Variants in TEAD1 observed in about 807,000 individuals in gnomAD.
TEAD1 encodes the protein TEA domain transcription factor 1, also known as transcriptional enhancer factor TEF-1.
Under a neutral mutation model 54.9 loss-of-function variants are expected in TEAD1, and 9 were observed. The observed-to-expected ratio is 0.16, with a 90% CI of 0.10 to 0.29. The LOEUF (loss-of-function observed/expected upper bound fraction) is 0.29. Among genes scored for constraint, TEAD1 ranks in the 10% least tolerant of loss-of-function variants. TEAD1 has a pLI of 1.00. For missense variants in TEAD1, 387 were observed against 535.9 expected, an observed-to-expected ratio of 0.72 and a Z score of 2.74; for synonymous variants, 200 against 187.8, an observed-to-expected ratio of 1.07 and a Z score of -0.53.
intron 2 of TEAD1, among the ~76,000 whole-genome samples, chr11:12,679,396 T>G (rs1590044677): frequency 6.6e-6 from 1 of 152,230 alleles, no homozygotes; most frequent in African/African-American, 2.4e-5. Flanking sequence ...AAAAGCTGGC[T>G]TATTGATGAA....
intron 10 of TEAD1, among the ~76,000 whole-genome samples, chr11:12,918,298 C>T (rs1301462510): frequency 6.6e-6 from 1 of 150,468 alleles, no homozygotes. Flanking sequence ...ACACTATCAG[C>T]TGACAGATAA....
At chr11:12,836,293 G>T (rs942986426) in intron 3 of TEAD1, among the ~76,000 whole-genome samples, 2 of 151,968 alleles carry the variant, frequency 1.3e-5, no homozygotes, top group Admixed American at 6.6e-5. Context: ...GGTGGCGGGC[G>T]CCTGTAGTCC....
At chr11:12,830,251 T>C (rs1344534962) in intron 3 of TEAD1, among the ~76,000 whole-genome samples, 1 of 151,706 alleles carries the variant, frequency 6.6e-6, no homozygotes, top group Non-Finnish European at 1.5e-5. Flanking sequence ...GCAGGTGAGG[T>C]CAGAGGATAC....
chr11:12,677,224 T>G (rs1351136880), intron 2 of TEAD1, among the ~76,000 whole-genome samples: 1 of 152,122 alleles, frequency 6.6e-6, no homozygotes, highest in East Asian at 1.9e-4. Flanking sequence ...TTAAATTTAA[T>G]TTAAAGGGGG....
At chr11:12,846,076 A>C (rs1361331193) in intron 3 of TEAD1, among the ~76,000 whole-genome samples, 4 of 152,246 alleles carry the variant, frequency 2.6e-5, no homozygotes, top group South Asian at 4.1e-4. Flanking sequence ...AATTATTGAA[A>C]ATAGGGAGGC....
At chr11:12,851,351 TAGG>T (rs1157379830) in intron 3 of TEAD1, among the ~76,000 whole-genome samples, 1 of 151,762 alleles carries the variant, frequency 6.6e-6, no homozygotes, top group Non-Finnish European at 1.5e-5. Context: ...TAGACACTTT[TAGG>T]AGGATTTTAA....
At chr11:12,900,762 T>G (rs1978897) in intron 9 of TEAD1, among the ~76,000 whole-genome samples, 4,557 of 152,306 alleles carry the variant, frequency 0.03, 103 homozygotes, top group Non-Finnish European at 0.047. Flanking sequence ...TGGAATAGAT[T>G]AGTACTCAGG....
Position 12,943,063 on chromosome 11 carries a change from A to G in TEAD1, c.*5841A>G, listed in dbSNP as rs913852794. ...CAGACATCTTTGAAAATTAGCCTCT[A>G]AACTCTTAATACATACGTTCTGTGT... On this transcript the variant is annotated 3_prime_UTR_variant, in exon 13 of 13. Transcript: ENST00000527636. The G allele has an allele frequency of 1.3e-5, 2 of 152,356 alleles. No homozygotes were observed. Among genetic ancestry groups the G allele is most frequent in the Middle Eastern group, 3.4e-3 (1 of 294 alleles). The allele number at this position is 152,356 out of a possible 1,614,324, so 9.4% of individuals were successfully genotyped here.
rs10694132 is a variant in TEAD1 at position 12,857,578 on chromosome 11, CTGTGTGTGTGTG to C, written c.203-4648_203-4637del. Reference sequence around the variant, plus strand: ...ATCAAGCATCTCTCTCTCTCTGTCTCTGTGTGTGTGTGTGTGTGTGTGTGTGTGTGTGTGTTA... The same window carrying C: ...ATCAAGCATCTCTCTCTCTCTGTCTCTGTGTGTGTGTGTGTGTGTGTGTTA... On this transcript the variant is annotated intron_variant, in intron 3 of 12. Coordinates refer to ENST00000527636, the MANE Select transcript of TEAD1 (RefSeq NM_021961.6). 2.3e-4 allele frequency among the ~76,000 whole-genome samples: 34 copies of C among 145,848 alleles called. No homozygotes were observed. The East Asian group carries it at 4.1e-3, about 17-fold the overall frequency.
At chr11:12,689,580 T>C (rs1943409717) in intron 2 of TEAD1, among the ~76,000 whole-genome samples, 1 of 152,230 alleles carries the variant, frequency 6.6e-6, no homozygotes, top group Non-Finnish European at 1.5e-5. Flanking sequence ...TGATTGTGAC[T>C]ACCATCATCC....
chr11:12,713,083 G>C (rs1434308551), intron 2 of TEAD1, among the ~76,000 whole-genome samples: 1 of 152,206 alleles, frequency 6.6e-6, no homozygotes, highest in African/African-American at 2.4e-5. Context: ...GCAGTGGGAT[G>C]ATCATGGCTT....
intron 2 of TEAD1, among the ~76,000 whole-genome samples, chr11:12,752,896 G>A (rs945740712): frequency 6.6e-6 from 1 of 151,658 alleles, no homozygotes; most frequent in African/African-American, 2.4e-5. Flanking sequence ...GCCAGAGTGC[G>A]GTGGCGTGAT....
intron 6 of TEAD1, among the ~76,000 whole-genome samples, chr11:12,880,352 T>C (rs1439144951): frequency 1.3e-5 from 2 of 152,226 alleles, no homozygotes; most frequent in Non-Finnish European, 2.9e-5. Context: ...CTTATTGTCA[T>C]TGCCATTTTG....
intron 2 of TEAD1, among the ~76,000 whole-genome samples, chr11:12,695,585 C>T (rs1439709479): frequency 1.3e-5 from 2 of 152,104 alleles, no homozygotes; most frequent in African/African-American, 2.4e-5. Context: ...ATTTGTAAGC[C>T]TCCTGTAACA....
At chr11:12,895,888 T>C (rs944794388) in intron 9 of TEAD1, among the ~76,000 whole-genome samples, 25 of 152,188 alleles carry the variant, frequency 1.6e-4, no homozygotes, top group Non-Finnish European at 2.8e-4. Context: ...TGTTGACTTC[T>C]TAACATAGAA....
chr11:12,821,076 C>T (rs1016123754), intron 3 of TEAD1, among the ~76,000 whole-genome samples: 4 of 152,264 alleles, frequency 2.6e-5, no homozygotes, highest in Admixed American at 2.6e-4. Context: ...AAGGTGGATC[C>T]AGCTGCTGTC....
intron 3 of TEAD1, among the ~76,000 whole-genome samples, chr11:12,794,079 G>T (rs569022456): frequency 6.6e-6 from 1 of 152,290 alleles, no homozygotes; most frequent in South Asian, 2.1e-4. Flanking sequence ...AACTCTGATA[G>T]GAAATAGCTA....
At chr11:12,736,434 T>C (rs745503854) in intron 2 of TEAD1, among the ~76,000 whole-genome samples, 2 of 152,234 alleles carry the variant, frequency 1.3e-5, no homozygotes, top group African/African-American at 2.4e-5. Context: ...GTTATTTGCA[T>C]TTAAGCTTTT....
At chr11:12,741,457 A>G (rs1944647979) in intron 2 of TEAD1, among the ~76,000 whole-genome samples, 1 of 152,160 alleles carries the variant, frequency 6.6e-6, no homozygotes, top group South Asian at 2.1e-4. Flanking sequence ...CATATTTTCT[A>G]TGTCATATTC....
Sources: gnomAD v4.1 joint callset for allele counts (sites outside exome capture counted in the v4.1 genomes callset) on GRCh38, gnomAD v4.1.1 for gene constraint, MANE v1.5 for transcripts, NCBI Gene and HGNC (gene_info 2026-07-23, HGNC 2026-07-21) for gene names.